Variants in UNC5B observed in about 807,000 individuals in gnomAD.
The protein encoded by UNC5B is unc-5 netrin receptor B, also known as netrin receptor UNC5B.
UNC5B carries 56 observed loss-of-function variants against 103.7 expected under a neutral mutation model. The observed-to-expected ratio is 0.54, with a 90% CI of 0.44 to 0.67. The LOEUF (loss-of-function observed/expected upper bound fraction) is 0.67, where lower values mean the gene tolerates loss of function less well. UNC5B is among the 30% of genes least tolerant of loss of function. The pLI, the probability that UNC5B is intolerant of heterozygous loss-of-function variation, is 0.00. For synonymous variants in UNC5B, 577 were observed against 542.0 expected, an observed-to-expected ratio of 1.06 and a Z score of -0.90; for missense variants, 1,194 against 1,284.5, an observed-to-expected ratio of 0.93 and a Z score of 1.08.
chr10:71,271,647 C>A (rs1292761583), intron 1 of UNC5B, among the ~76,000 whole-genome samples: 1 of 152,216 alleles, frequency 6.6e-6, no homozygotes, highest in Admixed American at 6.5e-5. Flanking sequence ...CATAGCCAGG[C>A]CCGGGCTCAT....
At chr10:71,232,187 C>T (rs533951237) in intron 1 of UNC5B, among the ~76,000 whole-genome samples, 1 of 152,360 alleles carries the variant, frequency 6.6e-6, no homozygotes, top group South Asian at 2.1e-4. Flanking sequence ...CAGGAATGGC[C>T]TGTGGCTCTG....
At chr10:71,226,055 G>A (rs1417400) in intron 1 of UNC5B, among the ~76,000 whole-genome samples, 151,264 of 152,328 alleles carry the variant, frequency 0.99, 75,110 homozygotes, top group East Asian at 1. Flanking sequence ...GATCATAAGC[G>A]TTTTTATTTA....
At chr10:71,227,893 G>T (rs1843607672) in intron 1 of UNC5B, among the ~76,000 whole-genome samples, 1 of 152,018 alleles carries the variant, frequency 6.6e-6, no homozygotes, top group South Asian at 2.1e-4. Flanking sequence ...TTAAATGAGA[G>T]AAGTCAATTA....
chr10:71,279,734 G>A (rs61851261), intron 1 of UNC5B, 87 bp from the exon 2 acceptor site: 61,102 of 1,429,076 alleles, frequency 0.043, 1,723 homozygotes, highest in South Asian at 0.09. Flanking sequence ...TGTCCTCTTC[G>A]TCTGCGGTGG....
At chr10:71,242,444 G>A (rs1424980345) in intron 1 of UNC5B, among the ~76,000 whole-genome samples, 1 of 152,188 alleles carries the variant, frequency 6.6e-6, no homozygotes, top group African/African-American at 2.4e-5. Flanking sequence ...GCAGCTGAGT[G>A]GGCAGCTTCC....
chr10:71,245,617 G>A (rs980527096), intron 1 of UNC5B, among the ~76,000 whole-genome samples: 2 of 152,214 alleles, frequency 1.3e-5, no homozygotes, highest in Admixed American at 6.5e-5. Flanking sequence ...CTGGTAGCCA[G>A]CATGGCCACA....
rs571721805 is a variant in UNC5B at position 71,288,337 on chromosome 10, A to G, written c.902-231A>G. ...ATCGTGTTGATGACCTTATACATCT[A>G]TCTGTACCCTCTTTGTCCACCTGCC... On this transcript the variant is annotated intron_variant, in intron 6 of 16. Transcript: ENST00000335350. Among the ~76,000 whole-genome samples the G allele has an allele frequency of 7.9e-5, 12 of 152,232 alleles. No homozygotes were observed. In the South Asian group the frequency reaches 2.5e-3, roughly 32 times the overall value.
chr10:71,286,909 G>A (rs748719444), intron 5 of UNC5B, 40 bp downstream of exon 5: 1 of 1,602,426 alleles, frequency 6.2e-7, no homozygotes, highest in Non-Finnish European at 8.5e-7. Context: ...ACACGGCCAA[G>A]GGAGGGAGGA....
chr10:71,293,694 CT>C lies in UNC5B; in HGVS notation c.1942-5del, dbSNP rs1564514224. ...ACCACTACCCCACCCTTGCTGTCCC[CT>C]ACAGGAGGTGGTGACCCTGGATGAG... On this transcript the variant is annotated splice_region_variant and splice_polypyrimidine_tract_variant and intron_variant, in intron 12 of 16. Transcript: ENST00000335350. The C allele has an allele frequency of 6.3e-7, 1 of 1,593,984 alleles. No individual in the cohort carries two copies. Among genetic ancestry groups the C allele is most frequent in the Non-Finnish European group, 8.5e-7 (1 of 1,169,762 alleles).
intron 1 of UNC5B, among the ~76,000 whole-genome samples, chr10:71,251,413 C>T (rs1207909396): frequency 6.6e-6 from 1 of 152,170 alleles, no homozygotes; most frequent in Non-Finnish European, 1.5e-5. Context: ...CTGTACATGG[C>T]ATTTAAAGGC....
At chr10:71,233,042 G>A (rs535063408) in intron 1 of UNC5B, among the ~76,000 whole-genome samples, 1 of 152,222 alleles carries the variant, frequency 6.6e-6, no homozygotes, top group Non-Finnish European at 1.5e-5. Context: ...CCCTCTGAAT[G>A]TGGTCTGCAG....
rs547577159 is a variant in UNC5B at position 71,297,432 on chromosome 10, G to A, written c.2491-477G>A. 2.7e-4 allele frequency among the ~76,000 whole-genome samples: 41 copies of A among 152,304 alleles called. 1 individual carries two copies. The South Asian group carries it at 4.1e-3, about 15-fold the overall frequency. On this transcript the variant is annotated intron_variant, in intron 15 of 16. Coordinates refer to ENST00000335350, the MANE Select transcript of UNC5B (RefSeq NM_170744.5). ...TGTGGTTCTCAACCGTTAAAAATCC[G>A]GATTGAGATTTAAAAACCCAGGCCA...
chr10:71,270,178 C>T (rs747416661), intron 1 of UNC5B, among the ~76,000 whole-genome samples: 2 of 151,930 alleles, frequency 1.3e-5, no homozygotes, highest in Non-Finnish European at 2.9e-5. Context: ...GGTGAAACCC[C>T]GTGTCTACTA....
intron 1 of UNC5B, among the ~76,000 whole-genome samples, chr10:71,267,094 C>T (rs905707236): frequency 6.6e-6 from 1 of 152,184 alleles, no homozygotes; most frequent in Non-Finnish European, 1.5e-5. Flanking sequence ...CCCACAGATA[C>T]GGGGACTCCT....
Position 71,297,922 on chromosome 10 carries a change from C to G in UNC5B, c.2504C>G (p.Ser835Cys). 6.2e-7 allele frequency: 1 copy of G among 1,612,874 alleles called. No homozygotes were observed. The highest frequency in any genetic ancestry group is 8.5e-7 in the Non-Finnish European group (1 of 1,179,494). Reference sequence around the variant, plus strand: ...CCACCCTTGCAGACACCTGCTGGCTCCCTGGACACTCTCTGCTCTGCCCCT... The same window carrying G: ...CCACCCTTGCAGACACCTGCTGGCTGCCTGGACACTCTCTGCTCTGCCCCT... ...HTTLAETPAGSLDTLCSAPGS... is the reference protein window; with the variant it reads ...HTTLAETPAGCLDTLCSAPGS... The change falls in exon 16 of 17, where the codon TCC becomes TGC. Residue 835 changes from serine to cysteine, a missense_variant. Physicochemically the swap from Ser to Cys is moderately radical, Grantham distance 112. Coordinates refer to ENST00000335350, the MANE Select transcript of UNC5B (RefSeq NM_170744.5).
intron 1 of UNC5B, among the ~76,000 whole-genome samples, chr10:71,244,315 C>T (rs1224369351): frequency 6.6e-6 from 1 of 152,188 alleles, no homozygotes; most frequent in African/African-American, 2.4e-5. Context: ...TAAGGGTGGC[C>T]CCCCACCCCA....
intron 1 of UNC5B, among the ~76,000 whole-genome samples, chr10:71,270,358 GGGAGGGA>G (rs1844614668): frequency 7.2e-6 from 1 of 139,752 alleles, no homozygotes; most frequent in South Asian, 2.5e-4. Context: ...GAGGGAGGGA[GGGAGGGA>G]GGGAGGGTGG....
chr10:71,274,555 G>T (rs1310031907), intron 1 of UNC5B, among the ~76,000 whole-genome samples: 1 of 152,110 alleles, frequency 6.6e-6, no homozygotes, highest in Non-Finnish European at 1.5e-5. Context: ...GATGGGAGAC[G>T]TTGGATGAGA....
chr10:71,289,480 C>T (rs1467019095), intron 8 of UNC5B, among the ~76,000 whole-genome samples: 6 of 152,224 alleles, frequency 3.9e-5, no homozygotes, highest in South Asian at 2.1e-4. Context: ...CGCTGCCCTG[C>T]GTCAGCTCTG....
Sources: gnomAD v4.1 joint callset for allele counts (sites outside exome capture counted in the v4.1 genomes callset) on GRCh38, gnomAD v4.1.1 for gene constraint, MANE v1.5 for transcripts, NCBI Gene and HGNC (gene_info 2026-07-23, HGNC 2026-07-21) for gene names.